Variants in BSN observed in about 807,000 individuals in gnomAD.
BSN encodes protein bassoon.
In BSN, 57 loss-of-function variants were observed where a neutral mutation model predicts 264.8. The observed-to-expected ratio is 0.22, with a 90% CI of 0.17 to 0.27. The LOEUF is 0.27. Ranked by LOEUF, BSN falls within the 10% of genes least tolerant of loss-of-function variation. The pLI is 1.00. For synonymous variants in BSN, 2,059 were observed against 2,137.3 expected (o/e 0.96, Z 1.01); for missense variants, 4,615 against 5,232.5 (o/e 0.88, Z 3.64).
Position 49,654,405 on chromosome 3 carries a change from C to T in BSN, c.4849C>T (p.Arg1617Trp), listed in dbSNP as rs146695509. 3.9e-5 allele frequency: 62 copies of T among 1,600,924 alleles called. No homozygotes were observed. The highest frequency in any genetic ancestry group is 1.7e-4 in the Middle Eastern group (1 of 5,996). Residue 1617 changes from arginine (R) to tryptophan (W), a missense_variant, in exon 5 of 12, where the codon CGG becomes TGG. This residue lies in a region of BSN where 3,415 missense variants were observed against 3,866.4 expected (regional missense o/e 0.88). Transcript: ENST00000296452. This position sits in a 1 kb window ranked among gnomAD's most constrained non-coding sequence, Gnocchi z 4.1. ...PEPPGPPGFP[R>W]VPSAGADGPL... ...GCCACCTGGGCCACCTGGCTTTCCACGGGTGCCCAGTGCTGGTGCAGATGG... is the reference window on the plus strand; with the variant it reads ...GCCACCTGGGCCACCTGGCTTTCCATGGGTGCCCAGTGCTGGTGCAGATGG...
chr3:49,654,477 T>G lies in BSN; in HGVS notation c.4921T>G (p.Ser1641Ala). ...GWGALPAENI[S>A]LCRISSVPGT... Reference sequence around the variant, plus strand: ...GGGTGCCCTCCCTGCTGAGAACATCTCCCTGTGCCGGATCTCCTCTGTCCC... The same window carrying G: ...GGGTGCCCTCCCTGCTGAGAACATCGCCCTGTGCCGGATCTCCTCTGTCCC... Residue 1641 changes from serine (S) to alanine (A), a missense_variant, in exon 5 of 12, where the codon TCC becomes GCC. This residue lies in a region of BSN where 3,415 missense variants were observed against 3,866.4 expected (regional missense o/e 0.88). Transcript: ENST00000296452. The surrounding 1 kb of genome is among the most constrained non-coding windows in gnomAD (Gnocchi z 4.1). The G allele has an allele frequency of 6.2e-7, 1 of 1,609,586 alleles. No homozygotes were observed. The highest frequency in any genetic ancestry group is 2.2e-5 in the East Asian group (1 of 44,840).
chr3:49,565,335 T>TTTA (rs2051744472), intron 1 of BSN, among the ~76,000 whole-genome samples: 1 of 89,452 alleles, frequency 1.1e-5, no homozygotes, highest in Non-Finnish European at 2.3e-5. Flanking sequence ...TTTTTTTTTT[T>TTTA]GAGACAGAGT....
Position 49,642,769 on chromosome 3 carries a change from C to G in BSN, c.1135C>G (p.Pro379Ala). 6.2e-7 allele frequency: 1 copy of G among 1,613,404 alleles called. No homozygotes were observed. Among genetic ancestry groups the G allele is most frequent in the Non-Finnish European group, 8.5e-7 (1 of 1,179,926 alleles). ...PEADTQGQPAPSKGTPKIVFN... is the reference protein window; with the variant it reads ...PEADTQGQPAASKGTPKIVFN... ...GGCTGACACCCAGGGCCAGCCTGCC[C>G]CCAGCAAGGGGACACCTAAGATCGT... The change falls in exon 3 of 12, where the codon CCC (proline) becomes GCC (alanine). Residue 379 changes from proline to alanine, a missense_variant. This residue lies in a region of BSN where 1,197 missense variants were observed against 1,348.0 expected (regional missense o/e 0.89). Transcript: ENST00000296452. This position sits in a 1 kb window ranked among gnomAD's most constrained non-coding sequence, Gnocchi z 7.0.
Position 49,663,832 on chromosome 3 carries a change from C to T in BSN, c.11554C>T (p.Pro3852Ser). The change falls in exon 8 of 12, where the codon CCG becomes TCG. Residue 3852 changes from proline (P) to serine (S), a missense_variant. Coordinates refer to ENST00000296452, the MANE Select transcript of BSN (RefSeq NM_003458.4). Reference sequence around the variant, plus strand: ...TGGCTCTAAAGGGACAGCCAAAGCACCGCAACAGGGGAGGGCTCCTCAGGC... The same window carrying T: ...TGGCTCTAAAGGGACAGCCAAAGCATCGCAACAGGGGAGGGCTCCTCAGGC... ...TNGSKGTAKAPQQGRAPQAQP... is the reference protein window; with the variant it reads ...TNGSKGTAKASQQGRAPQAQP... 6.2e-7 allele frequency: 1 copy of T among 1,614,126 alleles called. No individual in the cohort carries two copies. Among genetic ancestry groups the T allele is most frequent in the South Asian group, 1.1e-5 (1 of 91,088 alleles).
At chr3:49,614,050 TC>T (rs2052235896) in intron 1 of BSN, among the ~76,000 whole-genome samples, 1 of 138,346 alleles carries the variant, frequency 7.2e-6, no homozygotes, top group Non-Finnish European at 1.6e-5. Flanking sequence ...AGACATTCAG[TC>T]TTTTTTTTTT....
rs1559621501 is a variant in BSN, at chr3:49,669,001, G to T, written c.*1516G>T. On this transcript the variant is annotated 3_prime_UTR_variant, in exon 12 of 12. Transcript: ENST00000296452. ...CCCCACCCCTGCTCCCATTGTGTGT[G>T]TGAAATTCTCAGTCTGTGGCATGTT... 2 of 141,020 alleles carry T rather than the reference G, an allele frequency of 1.4e-5. No homozygotes were observed. Among genetic ancestry groups the T allele is most frequent in the Admixed American group, 7.3e-5 (1 of 13,714 alleles). 8.7% of individuals were successfully genotyped at this position (141,020 alleles called of 1,614,324 possible).
Position 49,656,828 on chromosome 3 carries a change from C to G in BSN, c.7272C>G (p.His2424Gln), listed in dbSNP as rs1438298796. ...RELQELQTIK[H>Q]HVLQQQQEER... ...TGCAGGAGCTGCAGACCATCAAGCA[C>G]CATGTGCTGCAGCAGCAGCAAGAGG... Residue 2424 changes from histidine to glutamine, a missense_variant, in exon 5 of 12, where the codon CAC becomes CAG. Coordinates refer to ENST00000296452, the MANE Select transcript of BSN (RefSeq NM_003458.4). 5 of 1,599,664 alleles carry G rather than the reference C, an allele frequency of 3.1e-6. No homozygotes were observed. The East Asian group carries it at 9.0e-5, about 29-fold the overall frequency.
intron 1 of BSN, among the ~76,000 whole-genome samples, chr3:49,571,406 T>A (rs561541526): frequency 6.6e-6 from 1 of 151,932 alleles, no homozygotes; most frequent in South Asian, 2.1e-4. Context: ...TGGGTAAGAA[T>A]GGCATACTTC....
At chr3:49,584,926 AATG>A (rs2051923029) in intron 1 of BSN, among the ~76,000 whole-genome samples, 2 of 152,194 alleles carry the variant, frequency 1.3e-5, no homozygotes, top group Admixed American at 6.5e-5. Context: ...CATTTAACAT[AATG>A]ATCTCTAGTT....
intron 1 of BSN, among the ~76,000 whole-genome samples, chr3:49,613,325 A>C (rs1313177892): frequency 2.7e-5 from 4 of 148,018 alleles, no homozygotes; most frequent in Non-Finnish European, 6.0e-5. Flanking sequence ...AGAGAGAGAG[A>C]GAGAGAGAGA....
At position 49,655,401 on chromosome 3, in the gene BSN, C is replaced by T. The variant is rs762937440; in HGVS notation, c.5845C>T (p.Pro1949Ser). The T allele has an allele frequency of 2.5e-6, 4 of 1,571,690 alleles. No individual in the cohort carries two copies. In the Admixed American group the frequency reaches 7.1e-5, roughly 28 times the overall value. Residue 1949 changes from proline (P) to serine (S), a missense_variant, in exon 5 of 12, where the codon CCT becomes TCT. Around this residue, in one of 3 missense-constraint regions of BSN, gnomAD observed 3,415 missense variants for 3,866.4 expected, o/e 0.88. Coordinates refer to ENST00000296452, the MANE Select transcript of BSN (RefSeq NM_003458.4). ...SPFYGPRDPE[P>S]PEPPTYRAQG... ...CTTCTATGGTCCCCGGGACCCTGAG[C>T]CTCCTGAGCCCCCAACCTACCGGGC...
chr3:49,643,073 C>A lies in BSN; in HGVS notation c.1439C>A (p.Ala480Asp), dbSNP rs761638868. Residue 480 changes from alanine to aspartate, a missense_variant, in exon 3 of 12, where the codon GCC (alanine) becomes GAC (aspartate). Ala to Asp is a moderately radical substitution (Grantham distance 126). Transcript: ENST00000296452. ...CTCAACGTGGGCAGCAAGAGCCCAGCCAACTATAACACATGCACCACCTGC... is the reference window on the plus strand; with the variant it reads ...CTCAACGTGGGCAGCAAGAGCCCAGACAACTATAACACATGCACCACCTGC... ...AELNVGSKSP[A>D]NYNTCTTCRL... 8.1e-6 allele frequency: 13 copies of A among 1,613,996 alleles called. No individual in the cohort carries two copies. Among genetic ancestry groups the A allele is most frequent in the Non-Finnish European group, 1.0e-5 (12 of 1,180,036 alleles).
chr3:49,632,343 T>A (rs1161798283), intron 2 of BSN, among the ~76,000 whole-genome samples: 2 of 152,166 alleles, frequency 1.3e-5, no homozygotes, highest in South Asian at 2.1e-4. Context: ...CATGAAAATT[T>A]AAAAATTTTT....
Position 49,655,188 on chromosome 3 carries a change from C to T in BSN, c.5632C>T (p.Leu1878=). ...GGGCACAGCAGGCACTGTGACCACA[C>T]TGCTCCCAGAGGAGCCTGCGGGTGC... ...GEGTAGTVTT[L]LPEEPAGALD... Residue 1878 remains leucine (L), a synonymous_variant, in exon 5 of 12, where the codon CTG becomes TTG. Transcript: ENST00000296452. 1 of 1,612,956 alleles carries T rather than the reference C, an allele frequency of 6.2e-7. No homozygotes were observed. Among genetic ancestry groups the T allele is most frequent in the South Asian group, 1.1e-5 (1 of 91,086 alleles).
intron 1 of BSN, among the ~76,000 whole-genome samples, chr3:49,589,899 G>A (rs368453865): frequency 2.7e-5 from 4 of 148,854 alleles, no homozygotes; most frequent in East Asian, 2.0e-4. Context: ...GTGCAGTGGC[G>A]CAATCTCAGC....
At chr3:49,591,266 C>T (rs1426917506) in intron 1 of BSN, among the ~76,000 whole-genome samples, 2 of 152,152 alleles carry the variant, frequency 1.3e-5, no homozygotes, top group Non-Finnish European at 2.9e-5. Context: ...TATTACACTT[C>T]TATATGTTAC....
chr3:49,558,798 C>T (rs184832857), intron 1 of BSN, among the ~76,000 whole-genome samples: 6 of 152,206 alleles, frequency 3.9e-5, no homozygotes, highest in African/African-American at 1.2e-4. Context: ...TTGCATTTCT[C>T]CAGGGAAAGC....
At position 49,653,386 on chromosome 3, in the gene BSN, A is replaced by T. The variant is rs1311303359; in HGVS notation, c.3830A>T (p.Asp1277Val). Residue 1277 changes from aspartate (D) to valine (V), a missense_variant, in exon 5 of 12, where the codon GAC becomes GTC. Around this residue, in one of 3 missense-constraint regions of BSN, gnomAD observed 3,415 missense variants for 3,866.4 expected, o/e 0.88. Transcript: ENST00000296452. This position sits in a 1 kb window ranked among gnomAD's most constrained non-coding sequence, Gnocchi z 6.3. ...CGCATGCGGCAGGCCTCCTCACGAGACCTGGCTTTTGCTGAGGACAAAAAG... is the reference window on the plus strand; with the variant it reads ...CGCATGCGGCAGGCCTCCTCACGAGTCCTGGCTTTTGCTGAGGACAAAAAG... ...IVRMRQASSR[D>V]LAFAEDKKKE... 1 of 1,613,776 alleles carries T rather than the reference A, an allele frequency of 6.2e-7. No individual in the cohort carries two copies. Among genetic ancestry groups the T allele is most frequent in the Admixed American group, 1.7e-5 (1 of 60,020 alleles).
Position 49,652,997 on chromosome 3 carries a change from C to T in BSN, c.3441C>T (p.Tyr1147=), listed in dbSNP as rs920094781. ...TGGATGGTGGCCCTAGCCGGCTTTACAAGTCAGGCAGTGAGTACAACCTGC... is the reference window on the plus strand; with the variant it reads ...TGGATGGTGGCCCTAGCCGGCTTTATAAGTCAGGCAGTGAGTACAACCTGC... ...EALDGGPSRL[Y]KSGSEYNLPT... Residue 1147 remains tyrosine (Y), a synonymous_variant, in exon 5 of 12, where the codon TAC becomes TAT. Coordinates refer to ENST00000296452, the MANE Select transcript of BSN (RefSeq NM_003458.4). 1.2e-6 allele frequency: 2 copies of T among 1,613,248 alleles called. No individual in the cohort carries two copies. The highest frequency in any genetic ancestry group is 2.7e-5 in the African/African-American group (2 of 74,904).
Sources: gnomAD v4.1 joint callset for allele counts (sites outside exome capture counted in the v4.1 genomes callset) on GRCh38, gnomAD v4.1.1 for gene constraint, gnomAD v4.1.1 regional missense constraint, Gnocchi (gnomAD v3.1) non-coding constraint, MANE v1.5 for transcripts, NCBI Gene and HGNC (gene_info 2026-07-23, HGNC 2026-07-21) for gene names.